CLIC6: variants seen among roughly 807,000 people sequenced by gnomAD.
CLIC6 encodes the protein chloride intracellular channel protein 6.
A neutral mutation model predicts 49.2 loss-of-function variants in CLIC6; 39 were observed. The observed-to-expected ratio is 0.79, with a 90% CI of 0.61 to 1.04. The LOEUF (loss-of-function observed/expected upper bound fraction) is 1.04. Ranked by LOEUF, CLIC6 falls within the 50% of genes least tolerant of loss-of-function variation. The pLI is 0.00. For missense variants in CLIC6, 988 were observed against 993.1 expected, an observed-to-expected ratio of 0.99 and a Z score of 0.07; for synonymous variants, 446 against 433.4, an observed-to-expected ratio of 1.03 and a Z score of -0.36.
At chr21:34,706,072 T>C in intron 1 of CLIC6, 1 of 686,400 alleles carries the variant, frequency 1.5e-6, no homozygotes, top group Non-Finnish European at 2.6e-6. Flanking sequence ...TATAAAGAAA[T>C]ACCTGAGAGT....
chr21:34,670,433 G>A lies in CLIC6; in HGVS notation c.1045G>A (p.Asp349Asn). Residue 349 changes from aspartate (D) to asparagine (N), a missense_variant, in exon 1 of 6, where the codon GAC becomes AAC. Asp to Asn is a conservative substitution (Grantham distance 23). Around this residue, in one of 3 missense-constraint regions of CLIC6, gnomAD observed 647 missense variants for 596.9 expected, o/e 1.08. Coordinates refer to ENST00000349499, the MANE Select transcript of CLIC6 (RefSeq NM_053277.3). ...GGGGTCCGAAGAAGCGGCCCCCGGGGACGCAAGGGCAGACGCTGGCGAGGA... is the reference window on the plus strand; with the variant it reads ...GGGGTCCGAAGAAGCGGCCCCCGGGAACGCAAGGGCAGACGCTGGCGAGGA... ...VKGSEEAAPG[D>N]ARADAGEDRV... is the part of the protein sequence containing the mutation. The A allele has an allele frequency of 6.8e-7, 1 of 1,463,016 alleles. No individual in the cohort carries two copies. 90.6% of individuals were successfully genotyped at this position (1,463,016 alleles called of 1,614,324 possible).
At chr21:34,678,782 T>G (rs1308240402) in intron 1 of CLIC6, among the ~76,000 whole-genome samples, 2 of 152,198 alleles carry the variant, frequency 1.3e-5, no homozygotes, top group Non-Finnish European at 2.9e-5. Context: ...CTTACCATTT[T>G]TTTGGAAAAG....
chr21:34,706,869 G>A (rs1447056930), intron 1 of CLIC6, among the ~76,000 whole-genome samples: 1 of 152,206 alleles, frequency 6.6e-6, no homozygotes, highest in African/African-American at 2.4e-5. Context: ...TACCAAAGCT[G>A]CTAAGAATAG....
intron 1 of CLIC6, among the ~76,000 whole-genome samples, chr21:34,706,548 G>A (rs2056016019): frequency 6.6e-6 from 1 of 152,074 alleles, no homozygotes; most frequent in African/African-American, 2.4e-5. Flanking sequence ...TCAAGACATA[G>A]AACAACATTG....
chr21:34,679,832 ATG>A (rs75620510), intron 1 of CLIC6, among the ~76,000 whole-genome samples: 152,367 of 152,368 alleles, frequency 1, 76,183 homozygotes, highest in Middle Eastern at 1. Context: ...GTGGGCCCCC[ATG>A]TGGCCTTGGA....
At chr21:34,716,176 C>T (rs1411642978) in intron 5 of CLIC6, 145 bp from the exon 6 acceptor site, 4 of 662,088 alleles carry the variant, frequency 6.0e-6, no homozygotes, top group African/African-American at 5.4e-5. Context: ...AGTCAAGATG[C>T]CGTGGTGGGT....
rs140287075 is a variant in CLIC6, at chr21:34,711,637, ACT to A, written c.1899+2102_1899+2103del. Among the ~76,000 whole-genome samples, 100 of 152,126 alleles carry A rather than the reference ACT, an allele frequency of 6.6e-4. 3 individuals carry two copies. The East Asian group carries it at 0.018, about 27-fold the overall frequency. On this transcript the variant is annotated intron_variant, in intron 5 of 5. Transcript: ENST00000349499. The stretch of plus-strand genomic sequence containing the variant: ...TGTGGGCTCCCGGCCACCCCTGGTG[ACT>A]CTGCTTCATTCTTTTGCCTTTGTCT...
In CLIC6 at chr21:34,670,694, C is replaced by A; in HGVS notation, c.1306C>A (p.Arg436=). 1 of 1,584,752 alleles carries A rather than the reference C, an allele frequency of 6.3e-7. No homozygotes were observed. Among genetic ancestry groups the A allele is most frequent in the Non-Finnish European group, 8.6e-7 (1 of 1,169,536 alleles). ...SGEAARVNGR[R]EDGEASEPRA... is the part of the protein sequence containing the mutation. ...CGAGGCCGCGCGCGTGAACGGCCGC[C>A]GGGAGGACGGAGAGGCGTCCGAGCC... Residue 436 remains arginine (R), a synonymous_variant, in exon 1 of 6, where the codon CGG becomes AGG. Coordinates refer to ENST00000349499, the MANE Select transcript of CLIC6 (RefSeq NM_053277.3).
At chr21:34,677,297 G>T (rs1989691761) in intron 1 of CLIC6, among the ~76,000 whole-genome samples, 1 of 152,164 alleles carries the variant, frequency 6.6e-6, no homozygotes, top group Non-Finnish European at 1.5e-5. Context: ...TCAAAACTTT[G>T]CTCTCAAGTT....
In CLIC6 at chr21:34,692,960, C is replaced by T. The variant is rs151019405; in HGVS notation, c.1375-14320C>T. Among the ~76,000 whole-genome samples the T allele has an allele frequency of 1.6e-3, 243 of 152,300 alleles. 1 individual carries two copies. Among genetic ancestry groups the T allele is most frequent in the African/African-American group, 5.4e-3 (224 of 41,548 alleles). On this transcript the variant is annotated intron_variant, in intron 1 of 5. Transcript: ENST00000349499. ...AGCATATGGGGTGACCCTACTCTCC[C>T]ACCACTGGACTTCCTCCCCAGCCCC...
intron 1 of CLIC6, among the ~76,000 whole-genome samples, chr21:34,681,120 T>C (rs1989771456): frequency 6.6e-6 from 1 of 152,254 alleles, no homozygotes; most frequent in African/African-American, 2.4e-5. Context: ...TTTAATTGAC[T>C]GACAGTTCCG....
chr21:34,686,937 C>T lies in CLIC6; in HGVS notation c.1374+16175C>T, dbSNP rs183194568. On this transcript the variant is annotated intron_variant, in intron 1 of 5. Coordinates refer to ENST00000349499, the MANE Select transcript of CLIC6 (RefSeq NM_053277.3). ...CAGCTGAACACTGCTGAGTAACCTT[C>T]GTCAGTGCCACACGGAACAGAAGGA... Among the ~76,000 whole-genome samples, 14 of 152,342 alleles carry T rather than the reference C, an allele frequency of 9.2e-5. No homozygotes were observed. The East Asian group carries it at 2.5e-3, about 27-fold the overall frequency.
At chr21:34,714,699 A>ACAAATAAAC (rs5843680) in intron 5 of CLIC6, among the ~76,000 whole-genome samples, 1 of 149,516 alleles carries the variant, frequency 6.7e-6, no homozygotes, top group East Asian at 2.0e-4. Context: ...AAACAAAAAA[A>ACAAATAAAC]AAAAAAAAAA....
intron 1 of CLIC6, among the ~76,000 whole-genome samples, chr21:34,703,639 C>G (rs1302489222): frequency 6.6e-6 from 1 of 151,962 alleles, no homozygotes; most frequent in Non-Finnish European, 1.5e-5. Context: ...ATGAAAAGAG[C>G]CGGCAGGAGA....
Position 34,677,519 on chromosome 21 carries a change from A to G in CLIC6, c.1374+6757A>G, listed in dbSNP as rs557469355. On this transcript the variant is annotated intron_variant, in intron 1 of 5. Coordinates refer to ENST00000349499, the MANE Select transcript of CLIC6 (RefSeq NM_053277.3). ...ACAAGAAATCCAGAGATAGGTGGAT[A>G]AAGCATCTTACCCATGTCATCAAGG... 2.0e-4 allele frequency among the ~76,000 whole-genome samples: 31 copies of G among 152,336 alleles called. 1 individual carries two copies. The South Asian group carries it at 6.4e-3, about 32-fold the overall frequency.
intron 1 of CLIC6, among the ~76,000 whole-genome samples, chr21:34,683,691 A>G (rs1989822555): frequency 6.6e-6 from 1 of 152,130 alleles, no homozygotes; most frequent in Non-Finnish European, 1.5e-5. Context: ...CTGATGGTTT[A>G]AAAGTGTGGC....
chr21:34,704,063 G>A (rs1189040932), intron 1 of CLIC6, among the ~76,000 whole-genome samples: 1 of 152,144 alleles, frequency 6.6e-6, no homozygotes, highest in East Asian at 1.9e-4. Context: ...AGAAATTTTA[G>A]CCCAGAGTGC....
intron 1 of CLIC6, among the ~76,000 whole-genome samples, chr21:34,671,180 T>G (rs1165378204): frequency 6.7e-6 from 1 of 149,448 alleles, no homozygotes. Flanking sequence ...CTATTGGTGT[T>G]CAAAGGGATT....
In CLIC6 at chr21:34,673,368, C is replaced by CCT. The variant is rs1989603894; in HGVS notation, c.1374+2606_1374+2607insCT. Among the ~76,000 whole-genome samples the CCT allele has an allele frequency of 2.6e-5, 4 of 152,266 alleles. No individual in the cohort carries two copies. In the South Asian group the frequency reaches 8.3e-4, roughly 32 times the overall value. On this transcript the variant is annotated intron_variant, in intron 1 of 5. Transcript: ENST00000349499. The stretch of plus-strand genomic sequence containing the variant: ...GCAGTGGTGCTATCTCAGCTCACTG[C>CCT]AACCTCCACAGACTGGGTTCAAGTG...
Sources: gnomAD v4.1 joint callset for allele counts (sites outside exome capture counted in the v4.1 genomes callset) on GRCh38, gnomAD v4.1.1 for gene constraint, gnomAD v4.1.1 regional missense constraint, MANE v1.5 for transcripts, NCBI Gene and HGNC (gene_info 2026-07-23, HGNC 2026-07-21) for gene names.